STX17: variants seen among roughly 807,000 people sequenced by gnomAD.
The protein encoded by STX17 is syntaxin 17, also known as syntaxin-17.
In STX17, 29 loss-of-function variants were observed where a neutral mutation model predicts 35.9. The ratio of observed to expected loss-of-function variants is 0.81; its 90% CI spans 0.60 to 1.10. The LOEUF (loss-of-function observed/expected upper bound fraction) is 1.10. Ranked by LOEUF, STX17 falls within the 50% of genes least tolerant of loss-of-function variation. The probability of loss-of-function intolerance (pLI) is 0.00; values close to 1 mark genes in which losing one functional copy is unlikely to be tolerated. For synonymous variants in STX17, 92 were observed against 118.3 expected, an observed-to-expected ratio of 0.78 and a Z score of 1.44; for missense variants, 312 against 352.3, an observed-to-expected ratio of 0.89 and a Z score of 0.92.
intron 3 of STX17, among the ~76,000 whole-genome samples, chr9:99,937,672 A>G (rs574726045): frequency 5.9e-5 from 9 of 152,152 alleles, no homozygotes; most frequent in African/African-American, 1.9e-4. Context: ...AGCTATTTTT[A>G]TATCTTTTTC....
chr9:99,914,202 G>A (rs1828719382), intron 1 of STX17: 1 of 152,124 alleles, frequency 6.6e-6, no homozygotes, highest in African/African-American at 2.4e-5. Context: ...GCATAACTCA[G>A]CAGTATTAAC....
chr9:99,909,673 CA>C (rs1386263399), intron 1 of STX17, among the ~76,000 whole-genome samples: 5 of 151,730 alleles, frequency 3.3e-5, no homozygotes, highest in African/African-American at 1.2e-4. Flanking sequence ...GCAATGAGTA[CA>C]AAAAAATAGT....
chr9:99,952,271 A>T (rs1295274487), intron 4 of STX17, among the ~76,000 whole-genome samples: 1 of 152,232 alleles, frequency 6.6e-6, no homozygotes, highest in Admixed American at 6.5e-5. Context: ...CAAAAAACAC[A>T]TGAAAAAATG....
Position 99,929,935 on chromosome 9 carries a change from CAG to C in STX17, c.189+1095_189+1096del, listed in dbSNP as rs1271948706. 1.5e-4 allele frequency: 15 copies of C among 102,628 alleles called. No homozygotes were observed. In the Admixed American group the frequency reaches 2.2e-3, roughly 15 times the overall value. 6.4% of individuals were successfully genotyped at this position (102,628 alleles called of 1,614,324 possible). On this transcript the variant is annotated intron_variant, in intron 3 of 7. Transcript: ENST00000259400. ...CTTTTTTTTTTTTTTTTTTTTGCAA[CAG>C]AGTCTCACTCTGTTGCCCAGGCTGG...
intron 1 of STX17, among the ~76,000 whole-genome samples, chr9:99,912,003 G>GA (rs1425361227): frequency 2.6e-5 from 4 of 152,196 alleles, no homozygotes; most frequent in Admixed American, 2.6e-4. Flanking sequence ...GAGGCAGGTG[G>GA]ATCACCTGAG....
intron 1 of STX17, among the ~76,000 whole-genome samples, chr9:99,908,830 A>G (rs922223740): frequency 7.2e-5 from 11 of 152,196 alleles, no homozygotes; most frequent in Non-Finnish European, 1.5e-4. Flanking sequence ...AGAAGACACC[A>G]GTCTATACAT....
chr9:99,941,168 T>A (rs1156397665), intron 3 of STX17, among the ~76,000 whole-genome samples: 1 of 152,238 alleles, frequency 6.6e-6, no homozygotes, highest in African/African-American at 2.4e-5. Context: ...ACTTTGCCAC[T>A]TTTTGCAAAG....
At chr9:99,927,539 G>A (rs1229952070) in intron 2 of STX17, among the ~76,000 whole-genome samples, 1 of 151,980 alleles carries the variant, frequency 6.6e-6, no homozygotes, top group Admixed American at 6.6e-5. Context: ...AGTGTGGCAC[G>A]ATCTTGGCTC....
At chr9:99,943,529 G>A (rs1349330953) in intron 3 of STX17, among the ~76,000 whole-genome samples, 23 of 152,080 alleles carry the variant, frequency 1.5e-4, no homozygotes, top group Admixed American at 1.3e-3. Flanking sequence ...GGCTGGTCTC[G>A]AACTCCTGAC....
chr9:99,931,754 C>T (rs574154384), intron 3 of STX17, among the ~76,000 whole-genome samples: 1 of 152,226 alleles, frequency 6.6e-6, no homozygotes, highest in South Asian at 2.1e-4. Context: ...GCTCTGTTTT[C>T]TAAAAGATTT....
At chr9:99,911,370 G>A (rs1338513913) in intron 1 of STX17, among the ~76,000 whole-genome samples, 2 of 151,926 alleles carry the variant, frequency 1.3e-5, no homozygotes, top group Non-Finnish European at 2.9e-5. Flanking sequence ...ATTTCATTGT[G>A]TATATACACC....
chr9:99,945,132 T>C (rs1829453933), intron 3 of STX17, among the ~76,000 whole-genome samples: 1 of 152,228 alleles, frequency 6.6e-6, no homozygotes, highest in Non-Finnish European at 1.5e-5. Context: ...TGTGTTAAAC[T>C]TATTGTTCAA....
chr9:99,925,558 A>G (rs1162196142), intron 2 of STX17, among the ~76,000 whole-genome samples: 1 of 152,106 alleles, frequency 6.6e-6, no homozygotes, highest in African/African-American at 2.4e-5. Context: ...GATGGATTCT[A>G]TCAGCTTTTT....
At chr9:99,913,582 ATACT>A (rs1828700614) in intron 1 of STX17, among the ~76,000 whole-genome samples, 1 of 152,136 alleles carries the variant, frequency 6.6e-6, no homozygotes, top group Admixed American at 6.5e-5. Flanking sequence ...ATTTAAAAAT[ATACT>A]TACTTTAGTT....
At chr9:99,968,370 G>A (rs763383839) in intron 7 of STX17, 64 bp from the exon 8 acceptor site, 208 of 1,498,658 alleles carry the variant, frequency 1.4e-4, no homozygotes, top group Non-Finnish European at 1.3e-4. Flanking sequence ...AGAGGAAAAC[G>A]CACATCACCA....
chr9:99,957,655 TG>T (rs1298188702), intron 4 of STX17, among the ~76,000 whole-genome samples: 69 of 108,856 alleles, frequency 6.3e-4, no homozygotes, highest in Admixed American at 1.6e-3. Context: ...TTATTGTTTT[TG>T]TTTTTTTTTT....
chr9:99,962,780 A>G (rs1404518760), intron 6 of STX17, among the ~76,000 whole-genome samples: 1 of 152,208 alleles, frequency 6.6e-6, no homozygotes, highest in Non-Finnish European at 1.5e-5. Flanking sequence ...ACAGAATGCT[A>G]ATAAGCAAAA....
intron 3 of STX17, among the ~76,000 whole-genome samples, chr9:99,940,371 A>T (rs1183178072): frequency 6.6e-6 from 1 of 151,584 alleles, no homozygotes; most frequent in Non-Finnish European, 1.5e-5. Flanking sequence ...CCTTCAAGTG[A>T]TCCGCCCGCG....
intron 1 of STX17, among the ~76,000 whole-genome samples, chr9:99,908,620 T>C (rs956710189): frequency 1.3e-5 from 2 of 152,192 alleles, no homozygotes; most frequent in Non-Finnish European, 2.9e-5. Context: ...TCCTTTTTTT[T>C]CTTTTTTGGA....
Sources: allele counts gnomAD v4.1 joint callset (sites outside exome capture counted in the v4.1 genomes callset), GRCh38; gene constraint gnomAD v4.1.1; transcripts MANE v1.5; gene names NCBI Gene and HGNC (gene_info 2026-07-23, HGNC 2026-07-21).